DAW1: variants seen among roughly 807,000 people sequenced by gnomAD.
DAW1 encodes dynein assembly factor with WD repeat domains 1.
DAW1 carries 47 observed loss-of-function variants against 56.5 expected under a neutral mutation model. The ratio of observed to expected loss-of-function variants is 0.83; its 90% CI spans 0.66 to 1.06. The LOEUF is 1.06. Among genes scored for constraint, DAW1 ranks in the 50% least tolerant of loss-of-function variants. The pLI, the probability that DAW1 is intolerant of heterozygous loss-of-function variation, is 0.00. For synonymous variants in DAW1, 190 were observed against 179.0 expected (o/e 1.06, Z -0.49); for missense variants, 505 against 499.3 (o/e 1.01, Z -0.11).
intron 6 of DAW1, among the ~76,000 whole-genome samples, chr2:227,900,722 C>T (rs957012823): frequency 2.6e-5 from 4 of 152,192 alleles, no homozygotes; most frequent in Non-Finnish European, 5.9e-5. Context: ...CTTCCTGACC[C>T]TCCATGTGGT....
intron 2 of DAW1, among the ~76,000 whole-genome samples, chr2:227,889,302 G>A (rs1337341633): frequency 6.6e-6 from 1 of 152,052 alleles, no homozygotes; most frequent in African/African-American, 2.4e-5. Flanking sequence ...CAAGATCAAG[G>A]CCCCTACAAG....
intron 4 of DAW1, 22 bp from the exon 5 acceptor site, chr2:227,893,773 G>A (rs375344780): frequency 1.1e-5 from 17 of 1,600,604 alleles, no homozygotes; most frequent in African/African-American, 2.7e-5. Context: ...TCCCTGCAAC[G>A]TGTTTATATT....
Position 227,906,287 on chromosome 2 carries a change from C to G in DAW1, c.807C>G (p.Phe269Leu). 6.2e-7 allele frequency: 1 copy of G among 1,613,374 alleles called. No homozygotes were observed. Among genetic ancestry groups the G allele is most frequent in the African/African-American group, 1.3e-5 (1 of 75,006 alleles). ...GTGCTGAGATTAGCAGTGCCTCATTCAATTGGGATTGCTCTCTAATATTAA... is the reference window on the plus strand; with the variant it reads ...GTGCTGAGATTAGCAGTGCCTCATTGAATTGGGATTGCTCTCTAATATTAA... ...GHCAEISSASFNWDCSLILTG... is the reference protein window; with the variant it reads ...GHCAEISSASLNWDCSLILTG... The change falls in exon 9 of 13, where the codon TTC (phenylalanine) becomes TTG (leucine). Residue 269 changes from phenylalanine to leucine, a missense_variant. Physicochemically the swap from Phe to Leu is conservative, Grantham distance 22. Coordinates refer to ENST00000309931, the MANE Select transcript of DAW1 (RefSeq NM_178821.3).
chr2:227,898,109 A>C, intron 5 of DAW1, 73 bp from the exon 6 acceptor site: 2 of 954,406 alleles, frequency 2.1e-6, no homozygotes, highest in Non-Finnish European at 2.9e-6. Flanking sequence ...TCATGTATTA[A>C]TATCTCATCT....
intron 10 of DAW1, among the ~76,000 whole-genome samples, chr2:227,909,328 A>G (rs1161796459): frequency 6.8e-6 from 1 of 147,446 alleles, no homozygotes; most frequent in Non-Finnish European, 1.5e-5. Context: ...AATTTTATGT[A>G]TTTTTTATAT....
chr2:227,915,233 T>C (rs1691924640), intron 10 of DAW1, among the ~76,000 whole-genome samples: 1 of 152,136 alleles, frequency 6.6e-6, no homozygotes. Context: ...CTTTACTTGA[T>C]GATGATATAT....
At chr2:227,919,902 A>G (rs1692063657) in intron 11 of DAW1, among the ~76,000 whole-genome samples, 1 of 152,008 alleles carries the variant, frequency 6.6e-6, no homozygotes, top group Non-Finnish European at 1.5e-5. Flanking sequence ...CCCAGGCTGT[A>G]CTCTCGGCCT....
chr2:227,917,938 T>C (rs897445405), intron 10 of DAW1, among the ~76,000 whole-genome samples: 1 of 152,150 alleles, frequency 6.6e-6, no homozygotes, highest in Non-Finnish European at 1.5e-5. Flanking sequence ...CTTGCTATAT[T>C]TTACTACTAT....
intron 8 of DAW1, 105 bp from the exon 9 acceptor site, chr2:227,906,131 A>T (rs1297236671): frequency 1.3e-6 from 1 of 768,708 alleles, no homozygotes; most frequent in Non-Finnish European, 2.0e-6. Flanking sequence ...TTTTGTAAAA[A>T]CCAGATTTTA....
intron 1 of DAW1, among the ~76,000 whole-genome samples, chr2:227,873,552 C>A (rs12464238): frequency 0.4 from 61,117 of 151,982 alleles, 13,715 homozygotes; most frequent in Admixed American, 0.55. Flanking sequence ...GAAGACCGAT[C>A]CTGGACAGCT....
intron 10 of DAW1, among the ~76,000 whole-genome samples, chr2:227,909,725 G>A (rs1035561106): frequency 4.6e-5 from 7 of 152,140 alleles, no homozygotes; most frequent in Admixed American, 2.0e-4. Context: ...CTCGATGACC[G>A]AGGGCCAGAG....
intron 10 of DAW1, among the ~76,000 whole-genome samples, chr2:227,909,011 G>A (rs1691753727): frequency 6.6e-6 from 1 of 152,042 alleles, no homozygotes; most frequent in Admixed American, 6.6e-5. Context: ...TCATGTATCT[G>A]ACTATGTTTA....
At position 227,903,060 on chromosome 2, in the gene DAW1, C is replaced by T. The variant is rs1016241668; in HGVS notation, c.599C>T (p.Thr200Ile). 7.4e-6 allele frequency: 12 copies of T among 1,614,022 alleles called. No homozygotes were observed. Among genetic ancestry groups the T allele is most frequent in the South Asian group, 1.1e-5 (1 of 91,082 alleles). ...GTGGCGACTGGAAGTATGGACACAA[C>T]AGCCAAATTGTGGGACATTCAGAAT... ...TLVATGSMDT[T>I]AKLWDIQNGE... Residue 200 changes from threonine (T) to isoleucine (I), a missense_variant, in exon 7 of 13, where the codon ACA becomes ATA. Physicochemically the swap from Thr to Ile is moderately conservative, Grantham distance 89. Coordinates refer to ENST00000309931, the MANE Select transcript of DAW1 (RefSeq NM_178821.3).
chr2:227,898,026 G>A (rs2106200129), intron 5 of DAW1, among the ~76,000 whole-genome samples, 156 bp from the exon 6 acceptor site: 1 of 151,928 alleles, frequency 6.6e-6, no homozygotes, highest in Admixed American at 6.6e-5. Context: ...TCAAAAATTA[G>A]ACTTTTATTT....
At chr2:227,882,527 A>T (rs1691034851) in intron 1 of DAW1, among the ~76,000 whole-genome samples, 1 of 152,244 alleles carries the variant, frequency 6.6e-6, no homozygotes, top group African/African-American at 2.4e-5. Flanking sequence ...CAAAATATTA[A>T]CATAGGAGTG....
chr2:227,900,624 AC>A (rs1411871041), intron 6 of DAW1, among the ~76,000 whole-genome samples: 2 of 152,208 alleles, frequency 1.3e-5, no homozygotes, highest in African/African-American at 4.8e-5. Context: ...TTCCAGGCAG[AC>A]CGAGCAGCCC....
intron 1 of DAW1, among the ~76,000 whole-genome samples, chr2:227,884,820 G>A (rs1691087145): frequency 6.6e-6 from 1 of 152,166 alleles, no homozygotes; most frequent in South Asian, 2.1e-4. Context: ...CAATGGCCTG[G>A]CTGTGGAGTG....
chr2:227,893,913 T>G lies in DAW1; in HGVS notation c.436T>G (p.Tyr146Asp). 2 of 1,600,486 alleles carry G rather than the reference T, an allele frequency of 1.2e-6. No individual in the cohort carries two copies. Among genetic ancestry groups the G allele is most frequent in the Non-Finnish European group, 1.7e-6 (2 of 1,174,942 alleles). Residue 146 changes from tyrosine to aspartate, a missense_variant, in exon 5 of 13, where the codon TAC becomes GAC. Coordinates refer to ENST00000309931, the MANE Select transcript of DAW1 (RefSeq NM_178821.3). ...VVYAIAFNNP[Y>D]GDKIATGSFD... The stretch of plus-strand genomic sequence containing the variant: ...TTATGCCATAGCATTCAACAATCCT[T>G]ACGGGTGTGTTCATCCCTTCACTTA...
At chr2:227,920,775 T>C (rs1721350) in intron 11 of DAW1, among the ~76,000 whole-genome samples, 73,611 of 151,860 alleles carry the variant, frequency 0.48, 18,303 homozygotes, top group Middle Eastern at 0.63. Context: ...CTCCCAGGTT[T>C]AAGCGATTCT....
Sources: allele counts gnomAD v4.1 joint callset (sites outside exome capture counted in the v4.1 genomes callset), GRCh38; gene constraint gnomAD v4.1.1; transcripts MANE v1.5; gene names NCBI Gene and HGNC (gene_info 2026-07-23, HGNC 2026-07-21).